AGPAT3: variants seen among roughly 807,000 people sequenced by gnomAD.
AGPAT3 encodes the protein 1-acyl-sn-glycerol-3-phosphate acyltransferase gamma.
AGPAT3 carries 5 observed loss-of-function variants against 47.3 expected under a neutral mutation model. The ratio of observed to expected loss-of-function variants is 0.11; its 90% CI spans 0.06 to 0.22. The LOEUF (loss-of-function observed/expected upper bound fraction) is 0.22, where lower values mean the gene tolerates loss of function less well. AGPAT3 is among the 10% of genes least tolerant of loss of function. The pLI is 1.00. For synonymous variants in AGPAT3, 212 were observed against 208.3 expected, an observed-to-expected ratio of 1.02 and a Z score of -0.15; for missense variants, 315 against 493.0, an observed-to-expected ratio of 0.64 and a Z score of 3.42.
At chr21:43,980,671 G>A (rs1716742939) in intron 8 of AGPAT3, among the ~76,000 whole-genome samples, 1 of 152,266 alleles carries the variant, frequency 6.6e-6, no homozygotes, top group Non-Finnish European at 1.5e-5. Context: ...GGTGTGGGAT[G>A]TGGCGGGTGG....
At chr21:43,976,144 T>C (rs929828030) in intron 7 of AGPAT3, among the ~76,000 whole-genome samples, 1 of 152,148 alleles carries the variant, frequency 6.6e-6, no homozygotes, top group African/African-American at 2.4e-5. Context: ...TTCATCTCAC[T>C]GCAACCTCCG....
intron 6 of AGPAT3, among the ~76,000 whole-genome samples, chr21:43,971,164 A>G (rs73373123): frequency 0.016 from 2,479 of 152,322 alleles, 77 homozygotes; most frequent in African/African-American, 0.055. Context: ...ACCCATGGGA[A>G]ACGTCAGCCA....
intron 2 of AGPAT3, among the ~76,000 whole-genome samples, chr21:43,958,889 G>A (rs547156403): frequency 3.4e-5 from 5 of 145,838 alleles, no homozygotes; most frequent in Admixed American, 2.1e-4. Flanking sequence ...TGTGTATGGT[G>A]TGTGTGTGGG....
chr21:43,941,218 GT>G lies in AGPAT3; in HGVS notation c.-48-18413del, dbSNP rs1245243243. The stretch of plus-strand genomic sequence containing the variant: ...CCCTGGAGGTTCCACGCTAGACTGT[GT>G]TTGTTTTTCTTGGTGCACACTTGGC... On this transcript the variant is annotated intron_variant, in intron 2 of 9. Transcript: ENST00000291572. Among the ~76,000 whole-genome samples the G allele has an allele frequency of 2.1e-4, 32 of 152,290 alleles. No homozygotes were observed. The East Asian group carries it at 5.4e-3, about 26-fold the overall frequency.
intron 3 of AGPAT3, among the ~76,000 whole-genome samples, chr21:43,963,776 C>T (rs550551007): frequency 3.9e-4 from 59 of 151,226 alleles, no homozygotes; most frequent in African/African-American, 1.3e-3. Flanking sequence ...TGGAGAACCA[C>T]GCTGGATGGT....
chr21:43,942,083 C>T (rs1404934071), intron 2 of AGPAT3, among the ~76,000 whole-genome samples: 11 of 152,240 alleles, frequency 7.2e-5, no homozygotes, highest in Admixed American at 3.9e-4. Context: ...CTGTGGAATT[C>T]GAGGCCTCAA....
At chr21:43,893,585 G>A (rs1480189047) in intron 1 of AGPAT3, among the ~76,000 whole-genome samples, 1 of 152,224 alleles carries the variant, frequency 6.6e-6, no homozygotes, top group East Asian at 1.9e-4. Context: ...TCCTCAGCAG[G>A]CTTAGTCACT....
At chr21:43,924,352 G>T (rs2086989917) in intron 2 of AGPAT3, among the ~76,000 whole-genome samples, 1 of 152,132 alleles carries the variant, frequency 6.6e-6, no homozygotes. Flanking sequence ...TAAGAACTTT[G>T]TACAAGAACC....
At position 43,952,144 on chromosome 21, in the gene AGPAT3, G is replaced by A. The variant is rs1601403238; in HGVS notation, c.-48-7490G>A. Among the ~76,000 whole-genome samples the A allele has an allele frequency of 6.6e-6, 1 of 152,146 alleles. No individual in the cohort carries two copies. Among genetic ancestry groups the A allele is most frequent in the South Asian group, 2.1e-4 (1 of 4,822 alleles). On this transcript the variant is annotated intron_variant, in intron 2 of 9. Coordinates refer to ENST00000291572, the MANE Select transcript of AGPAT3 (RefSeq NM_020132.5). This position sits in a 1 kb window ranked among gnomAD's most constrained non-coding sequence, Gnocchi z 5.6. ...GGCGGCCTGTGAGTGCGATTGGGCT[G>A]TGTGACGGCACCAGAGGCGGGGCTG... is the stretch of plus-strand genomic sequence containing the variant.
rs951946115 is a variant in AGPAT3 at position 43,984,323 on chromosome 21, C to T, written c.*1931C>T. 14 of 152,358 alleles carry T rather than the reference C, an allele frequency of 9.2e-5. No homozygotes were observed. The highest frequency in any genetic ancestry group is 3.4e-4 in the African/African-American group (14 of 41,452). 9.4% of individuals were successfully genotyped at this position (152,358 alleles called of 1,614,324 possible). On this transcript the variant is annotated 3_prime_UTR_variant, in exon 10 of 10. Transcript: ENST00000291572. ...CATGCCGCACGCTGCTCATCCGTCT[C>T]CATGTGTGTTTAGATCCATGCCATT... is the stretch of plus-strand genomic sequence containing the variant.
At chr21:43,976,861 C>G (rs550171375) in intron 7 of AGPAT3, among the ~76,000 whole-genome samples, 18 of 152,276 alleles carry the variant, frequency 1.2e-4, no homozygotes, top group Non-Finnish European at 2.1e-4. Flanking sequence ...ACGTGGCAGC[C>G]CCTGAATCCC....
At chr21:43,944,854 C>A (rs1056592161) in intron 2 of AGPAT3, among the ~76,000 whole-genome samples, 2 of 152,248 alleles carry the variant, frequency 1.3e-5, no homozygotes, top group East Asian at 3.8e-4. Context: ...TCACCTCTTA[C>A]CTCTAGAACA....
At chr21:43,915,870 C>T (rs1454125720) in intron 2 of AGPAT3, among the ~76,000 whole-genome samples, 2 of 151,986 alleles carry the variant, frequency 1.3e-5, no homozygotes, top group Non-Finnish European at 2.9e-5. Flanking sequence ...AAGTTGGAGG[C>T]TTCATTCATT....
intron 1 of AGPAT3, among the ~76,000 whole-genome samples, chr21:43,865,765 C>T (rs912223216): frequency 2.0e-5 from 3 of 151,746 alleles, no homozygotes; most frequent in East Asian, 3.9e-4. Flanking sequence ...GACTCTGCTC[C>T]GGGCCCCGCT....
rs549406607 is a variant in AGPAT3 at position 43,932,260 on chromosome 21, G to A, written c.-48-27374G>A. ...CCTTTGATCAGCACCTCCCCTGCCC[G>A]TCCTTGCCCAAGCCCCCAGCCCCTG... On this transcript the variant is annotated intron_variant, in intron 2 of 9. Coordinates refer to ENST00000291572, the MANE Select transcript of AGPAT3 (RefSeq NM_020132.5). The surrounding 1 kb of genome is among the most constrained non-coding windows in gnomAD (Gnocchi z 5.2). Among the ~76,000 whole-genome samples the A allele has an allele frequency of 3.9e-5, 6 of 152,180 alleles. No individual in the cohort carries two copies. Among genetic ancestry groups the A allele is most frequent in the Admixed American group, 2.6e-4 (4 of 15,280 alleles).
chr21:43,891,171 A>G (rs924503891), intron 1 of AGPAT3, among the ~76,000 whole-genome samples: 4 of 152,218 alleles, frequency 2.6e-5, no homozygotes, highest in Admixed American at 6.5e-5. Flanking sequence ...TTTTACCCAC[A>G]GTAGAACTTC....
At position 43,946,712 on chromosome 21, in the gene AGPAT3, G is replaced by A. The variant is rs564101380; in HGVS notation, c.-48-12922G>A. On this transcript the variant is annotated intron_variant, in intron 2 of 9. Coordinates refer to ENST00000291572, the MANE Select transcript of AGPAT3 (RefSeq NM_020132.5). Reference sequence around the variant, plus strand: ...AAGTAGTTATTATAACGCGTAGTTCGTTGTAAGAAAATTATGTCTAGGTCA... The same window carrying A: ...AAGTAGTTATTATAACGCGTAGTTCATTGTAAGAAAATTATGTCTAGGTCA... 6.9e-4 allele frequency among the ~76,000 whole-genome samples: 105 copies of A among 152,236 alleles called. 6 individuals are homozygous for A. In the South Asian group the frequency reaches 0.021, roughly 31 times the overall value.
chr21:43,865,869 G>A (rs1189914706), intron 1 of AGPAT3, among the ~76,000 whole-genome samples: 2 of 152,000 alleles, frequency 1.3e-5, no homozygotes, highest in East Asian at 3.9e-4. Flanking sequence ...GCGCGCCCAG[G>A]CCAAGGGAGC....
In AGPAT3 at chr21:43,971,407, A is replaced by C. The variant is rs559992263; in HGVS notation, c.684A>C (p.Val228=). ...CCACAGTCGCAGCTGTCTATGATGT[A>C]ACCCTGAACTTCAGAGGAAACAAGA... ...LRGTVAAVYD[V]TLNFRGNKNP... The change falls in exon 7 of 10, where the codon GTA becomes GTC. Residue 228 remains valine, a synonymous_variant. Transcript: ENST00000291572. 19 of 1,614,094 alleles carry C rather than the reference A, an allele frequency of 1.2e-5. No homozygotes were observed. The highest frequency in any genetic ancestry group is 1.5e-5 in the Non-Finnish European group (18 of 1,180,028).
Sources: allele counts gnomAD v4.1 joint callset (sites outside exome capture counted in the v4.1 genomes callset), GRCh38; gene constraint gnomAD v4.1.1; non-coding constraint Gnocchi (gnomAD v3.1); transcripts MANE v1.5; gene names NCBI Gene and HGNC (gene_info 2026-07-23, HGNC 2026-07-21).